CELF2: variants seen among roughly 807,000 people sequenced by gnomAD.
CELF2 encodes the protein CUG triplet repeat RNA-binding protein 2.
Under a neutral mutation model 62.6 loss-of-function variants are expected in CELF2, and 8 were observed. The observed-to-expected ratio is 0.13, with a 90% CI of 0.07 to 0.23. The LOEUF (loss-of-function observed/expected upper bound fraction) is 0.23. Ranked by LOEUF, CELF2 falls within the 10% of genes least tolerant of loss-of-function variation. CELF2 has a pLI of 1.00. For missense variants in CELF2, 333 were observed against 671.0 expected (o/e 0.50, Z 5.56); for synonymous variants, 258 against 250.0 (o/e 1.03, Z -0.30).
chr10:11,129,451 A>G (rs995655572), intron 1 of CELF2, among the ~76,000 whole-genome samples: 1 of 152,168 alleles, frequency 6.6e-6, no homozygotes, highest in South Asian at 2.1e-4. Flanking sequence ...TCAGACGGAA[A>G]GGTACCAGCT....
chr10:11,026,342 A>T (rs1450306749), intron 1 of CELF2, among the ~76,000 whole-genome samples: 1 of 152,236 alleles, frequency 6.6e-6, no homozygotes, highest in Non-Finnish European at 1.5e-5. Flanking sequence ...GGAAGTGGGT[A>T]AATTGGTTTA....
At chr10:11,281,826 G>T (rs1201372891) in intron 8 of CELF2, among the ~76,000 whole-genome samples, 2 of 152,206 alleles carry the variant, frequency 1.3e-5, no homozygotes, top group African/African-American at 2.4e-5. Context: ...TGGTTAACTG[G>T]TTAACCTAGT....
At chr10:10,551,305 G>T in the CELF2 span, among the ~76,000 whole-genome samples, 45 of 152,252 alleles carry the variant, frequency 3.0e-4, no homozygotes, top group Non-Finnish European at 5.1e-4. Flanking sequence ...AGGCAAGAGG[G>T]AATGGATCAG....
At chr10:10,969,597 C>T (rs1485193238) in intron 2 of CELF2, among the ~76,000 whole-genome samples, 1 of 152,158 alleles carries the variant, frequency 6.6e-6, no homozygotes, top group Non-Finnish European at 1.5e-5. Context: ...TCCCCTCCCT[C>T]TCCCCTTCCC....
chr10:11,127,643 A>G (rs552183722), intron 1 of CELF2, among the ~76,000 whole-genome samples: 1 of 152,344 alleles, frequency 6.6e-6, no homozygotes, highest in East Asian at 1.9e-4. Flanking sequence ...TCTGATGACC[A>G]GTGATGATGA....
At chr10:11,069,907 T>C (rs2069307566) in intron 1 of CELF2, among the ~76,000 whole-genome samples, 1 of 152,208 alleles carries the variant, frequency 6.6e-6, no homozygotes. Flanking sequence ...AACCTAGAGT[T>C]AGCATTTGTA....
At chr10:10,696,823 G>A in the CELF2 span, among the ~76,000 whole-genome samples, 5 of 152,338 alleles carry the variant, frequency 3.3e-5, no homozygotes, top group Admixed American at 6.5e-5. Flanking sequence ...GTGAGGCAAT[G>A]CCTTGCCCTG....
intron 2 of CELF2, among the ~76,000 whole-genome samples, chr10:10,944,534 G>A (rs769501596): frequency 1.3e-5 from 2 of 152,100 alleles, no homozygotes; most frequent in East Asian, 1.9e-4. Context: ...CTTTAGAGGG[G>A]GCAAGAGAGG....
At chr10:10,730,291 A>G in the CELF2 span, among the ~76,000 whole-genome samples, 1 of 152,180 alleles carries the variant, frequency 6.6e-6, no homozygotes, top group Non-Finnish European at 1.5e-5. Flanking sequence ...AGCCTGGCCA[A>G]GATGGTGAAA....
chr10:10,829,191 C>T (rs747801315), intron 1 of CELF2, among the ~76,000 whole-genome samples: 30 of 152,296 alleles, frequency 2.0e-4, no homozygotes, highest in Non-Finnish European at 3.4e-4. Context: ...TGAATATTGA[C>T]TTGCAAACCT....
chr10:10,886,452 A>G (rs1374449721), intron 1 of CELF2, among the ~76,000 whole-genome samples: 1 of 152,232 alleles, frequency 6.6e-6, no homozygotes, highest in Non-Finnish European at 1.5e-5. Flanking sequence ...TGCCCTCCTG[A>G]TATTTACATT....
chr10:10,918,626 C>T (rs1394613900), intron 1 of CELF2, among the ~76,000 whole-genome samples: 1 of 152,134 alleles, frequency 6.6e-6, no homozygotes, highest in African/African-American at 2.4e-5. Flanking sequence ...AGGAAGTCCT[C>T]TGTTTGAATT....
chr10:10,896,750 G>A (rs1166310292), intron 1 of CELF2, among the ~76,000 whole-genome samples: 2 of 152,146 alleles, frequency 1.3e-5, no homozygotes, highest in Non-Finnish European at 1.5e-5. Context: ...CAGCACTTCG[G>A]TCTCAAACTT....
chr10:11,089,382 C>G (rs1169945796), intron 1 of CELF2, among the ~76,000 whole-genome samples: 1 of 152,168 alleles, frequency 6.6e-6, no homozygotes, highest in Non-Finnish European at 1.5e-5. Context: ...ACTTTACACA[C>G]CAGCCTAGAG....
chr10:10,649,459 A>G, the CELF2 span, among the ~76,000 whole-genome samples: 4,883 of 152,076 alleles, frequency 0.032, 228 homozygotes, highest in East Asian at 0.26. Context: ...CTCTGGGGGG[A>G]AAAAATGGGT....
At chr10:10,769,237 G>A in the CELF2 span, among the ~76,000 whole-genome samples, 3 of 152,098 alleles carry the variant, frequency 2.0e-5, no homozygotes, top group African/African-American at 7.2e-5. Flanking sequence ...AAATGGAACT[G>A]GGCATTTCTC....
the CELF2 span, among the ~76,000 whole-genome samples, chr10:10,504,642 A>G: frequency 6.6e-6 from 1 of 151,950 alleles, no homozygotes; most frequent in Non-Finnish European, 1.5e-5. Context: ...CCTTCTTTCC[A>G]TCTGAAATTC....
At chr10:10,633,588 T>C in the CELF2 span, among the ~76,000 whole-genome samples, 1 of 152,202 alleles carries the variant, frequency 6.6e-6, no homozygotes, top group Non-Finnish European at 1.5e-5. Flanking sequence ...TTTTTTATTT[T>C]GTCACTTTTT....
chr10:10,888,476 A>G (rs1025267441), intron 1 of CELF2, among the ~76,000 whole-genome samples: 1 of 152,256 alleles, frequency 6.6e-6, no homozygotes, highest in African/African-American at 2.4e-5. Flanking sequence ...CAGTTAGATC[A>G]GTGAATTTGG....
Sources: allele counts gnomAD v4.1 joint callset (sites outside exome capture counted in the v4.1 genomes callset), GRCh38; gene constraint gnomAD v4.1.1; transcripts MANE v1.5; gene names NCBI Gene and HGNC (gene_info 2026-07-23, HGNC 2026-07-21).